The following NWD1 variants were observed in gnomAD, a reference collection of about 807,000 sequenced individuals.
NWD1 encodes NACHT domain- and WD repeat-containing protein 1.
A neutral mutation model predicts 135.1 loss-of-function variants in NWD1; 129 were observed. The observed-to-expected ratio is 0.96, with a 90% CI of 0.83 to 1.11. The LOEUF is 1.11. NWD1 is among the 50% of genes least tolerant of loss of function. The pLI is 0.00. For synonymous variants in NWD1, 773 were observed against 786.0 expected, an observed-to-expected ratio of 0.98 and a Z score of 0.28; for missense variants, 1,740 against 1,851.3, an observed-to-expected ratio of 0.94 and a Z score of 1.10.
intron 6 of NWD1, among the ~76,000 whole-genome samples, chr19:16,753,829 T>TCATC (rs79060014): frequency 0.26 from 35,295 of 134,850 alleles, 5,023 homozygotes; most frequent in Middle Eastern, 0.45. Flanking sequence ...ATCATCTCTA[T>TCATC]CATCCATCCA....
intron 5 of NWD1, 84 bp from the exon 6 acceptor site, chr19:16,749,055 A>G (rs1263764176): frequency 9.4e-7 from 1 of 1,065,472 alleles, no homozygotes; most frequent in Non-Finnish European, 1.4e-6. Flanking sequence ...ATCCCCCAAC[A>G]ACAGGTCTCC....
intron 18 of NWD1, among the ~76,000 whole-genome samples, chr19:16,809,095 A>AT (rs1008832340): frequency 0.015 from 2,179 of 147,004 alleles, 77 homozygotes; most frequent in Admixed American, 0.071. Flanking sequence ...AAGATAAATA[A>AT]TTTTTTTTTT....
intron 12 of NWD1, among the ~76,000 whole-genome samples, chr19:16,781,986 C>T (rs1444085187): frequency 4.0e-5 from 6 of 149,668 alleles, no homozygotes; most frequent in Non-Finnish European, 5.9e-5. Context: ...CCCAGCTACT[C>T]GGGAGGCTGA....
chr19:16,787,876 C>CAAT (rs534816872), intron 12 of NWD1, among the ~76,000 whole-genome samples: 362 of 119,446 alleles, frequency 3.0e-3, no homozygotes, highest in South Asian at 0.011. Flanking sequence ...GTAATAATAA[C>CAAT]AATAATAATA....
intron 12 of NWD1, among the ~76,000 whole-genome samples, chr19:16,786,037 G>A (rs1278085039): frequency 2.0e-5 from 3 of 151,834 alleles, no homozygotes; most frequent in South Asian, 4.1e-4. Context: ...GCTAATTTTT[G>A]TATTTTTAGT....
chr19:16,808,243 C>A, intron 18 of NWD1, 107 bp downstream of exon 18: 1 of 1,058,272 alleles, frequency 9.4e-7, no homozygotes, highest in Non-Finnish European at 1.4e-6. Flanking sequence ...CAGGATGGGA[C>A]TGGGGTGATG....
intron 5 of NWD1, chr19:16,745,082 G>A (rs1035163428): frequency 1.3e-5 from 6 of 474,664 alleles, no homozygotes; most frequent in South Asian, 9.3e-5. Context: ...CACATGGCTG[G>A]GGAGGCCTCA....
chr19:16,781,126 A>G (rs1253191152), intron 12 of NWD1, among the ~76,000 whole-genome samples: 1 of 152,122 alleles, frequency 6.6e-6, no homozygotes, highest in Non-Finnish European at 1.5e-5. Context: ...TCTGTAATCA[A>G]TTGTTGAGTG....
At chr19:16,748,564 C>T (rs556876535) in intron 5 of NWD1, among the ~76,000 whole-genome samples, 14 of 152,172 alleles carry the variant, frequency 9.2e-5, no homozygotes, top group Non-Finnish European at 1.6e-4. Flanking sequence ...CAGTGGCTCA[C>T]GCCTGTAATC....
rs189919149 is a variant in NWD1 at position 16,816,323 on chromosome 19, G to A, written c.*1284G>A. 3.3e-5 allele frequency: 5 copies of A among 152,308 alleles called. No individual in the cohort carries two copies. In the East Asian group the frequency reaches 9.6e-4, roughly 29 times the overall value. 9.4% of individuals were successfully genotyped at this position (152,308 alleles called of 1,614,324 possible). ...ATGCAAAAATGTTCTGACTTTTAAAGTTGGCGATTGGTTGAATTTATATCT... is the reference window on the plus strand; with the variant it reads ...ATGCAAAAATGTTCTGACTTTTAAAATTGGCGATTGGTTGAATTTATATCT... On this transcript the variant is annotated 3_prime_UTR_variant, in exon 19 of 19. Transcript: ENST00000524140.
chr19:16,783,925 G>T (rs1395516719), intron 12 of NWD1, among the ~76,000 whole-genome samples: 1 of 152,020 alleles, frequency 6.6e-6, no homozygotes, highest in Non-Finnish European at 1.5e-5. Context: ...AAAATATACA[G>T]GAGTGGCCGG....
intron 6 of NWD1, 46 bp from the exon 7 acceptor site, chr19:16,759,179 A>T: frequency 6.7e-7 from 1 of 1,500,856 alleles, no homozygotes; most frequent in Non-Finnish European, 9.3e-7. Flanking sequence ...CTCCAAATGC[A>T]GAAGACATGA....
At chr19:16,744,882 A>G in intron 5 of NWD1, 164 bp downstream of exon 5, 1 of 673,870 alleles carries the variant, frequency 1.5e-6, no homozygotes, top group Non-Finnish European at 2.7e-6. Context: ...TTACTGATCC[A>G]AGATAGTTCA....
At position 16,773,133 on chromosome 19, in the gene NWD1, C is replaced by A; in HGVS notation, c.2418C>A (p.Ser806Arg). Residue 806 changes from serine to arginine, a missense_variant, in exon 11 of 19, where the codon AGC becomes AGA. Ser to Arg is a moderately radical substitution (Grantham distance 110). Transcript: ENST00000524140. ...PAVELRGMERSLLYTELLARL... is the reference protein window; with the variant it reads ...PAVELRGMERRLLYTELLARL... ...TACATCCCTTTGTTGCAGAGAGGAG[C>A]CTCCTGTACACAGAACTGCTGGCCA... The A allele has an allele frequency of 6.2e-7, 1 of 1,613,774 alleles. No homozygotes were observed. The highest frequency in any genetic ancestry group is 8.5e-7 in the Non-Finnish European group (1 of 1,179,916).
intron 9 of NWD1, among the ~76,000 whole-genome samples, chr19:16,764,586 T>C (rs1234174046): frequency 6.6e-6 from 1 of 150,382 alleles, no homozygotes; most frequent in Non-Finnish European, 1.5e-5. Context: ...TTCATCTACC[T>C]TTCTGGTCAT....
intron 17 of NWD1, among the ~76,000 whole-genome samples, chr19:16,807,324 C>T (rs1482096430): frequency 1.3e-5 from 2 of 151,390 alleles, no homozygotes; most frequent in Non-Finnish European, 2.9e-5. Flanking sequence ...AGAAACCCCA[C>T]CTTTACTAAA....
chr19:16,769,434 C>T (rs941055824), intron 10 of NWD1, among the ~76,000 whole-genome samples: 25 of 149,726 alleles, frequency 1.7e-4, no homozygotes, highest in Admixed American at 2.7e-4. Flanking sequence ...TGCACTCCAG[C>T]CTTGGCGACA....
intron 4 of NWD1, 73 bp from the exon 5 acceptor site, chr19:16,744,348 G>A: frequency 1.5e-6 from 2 of 1,375,716 alleles, no homozygotes; most frequent in South Asian, 2.5e-5. Context: ...CCGCACTCCA[G>A]CCTGGGCGAC....
chr19:16,791,686 G>T (rs1970252100), intron 14 of NWD1, 64 bp downstream of exon 14: 1 of 1,473,050 alleles, frequency 6.8e-7, no homozygotes, highest in Non-Finnish European at 9.4e-7. Flanking sequence ...AGATGTGCTA[G>T]AAGTTGGGAA....
Sources: gnomAD v4.1 joint callset for allele counts (sites outside exome capture counted in the v4.1 genomes callset) on GRCh38, gnomAD v4.1.1 for gene constraint, MANE v1.5 for transcripts, NCBI Gene and HGNC (gene_info 2026-07-23, HGNC 2026-07-21) for gene names.